FASTKD1: variants seen among roughly 807,000 people sequenced by gnomAD.
The protein encoded by FASTKD1 is FAST kinase domains 1, also known as FAST kinase domain-containing protein 1, mitochondrial.
Under a neutral mutation model 90.9 loss-of-function variants are expected in FASTKD1, and 94 were observed. The observed-to-expected ratio is 1.03, with a 90% CI of 0.88 to 1.23. The LOEUF (loss-of-function observed/expected upper bound fraction) is 1.23. FASTKD1 is among the 50% of genes most tolerant of loss of function. FASTKD1 has a pLI of 0.00. For missense variants in FASTKD1, 945 were observed against 993.5 expected (o/e 0.95, Z 0.66); for synonymous variants, 319 against 345.8 (o/e 0.92, Z 0.86).
At chr2:169,540,791 GATT>G (rs1475246238) in intron 9 of FASTKD1, among the ~76,000 whole-genome samples, 2 of 152,184 alleles carry the variant, frequency 1.3e-5, no homozygotes, top group African/African-American at 2.4e-5. Context: ...CTGGAGCCTG[GATT>G]ATTATACTAT....
chr2:169,565,140 G>T (rs565878804), intron 3 of FASTKD1, among the ~76,000 whole-genome samples: 29 of 148,336 alleles, frequency 2.0e-4, no homozygotes, highest in African/African-American at 7.2e-4. Context: ...TTTTAGTAGA[G>T]ACAGGGTTTC....
rs1299868212 is a variant in FASTKD1 at position 169,537,418 on chromosome 2, CTT to C, written c.2075-80_2075-79del. The C allele has an allele frequency of 3.2e-6, 3 of 933,856 alleles. No homozygotes were observed. The South Asian group carries it at 4.7e-5, about 15-fold the overall frequency. 57.8% of individuals were successfully genotyped at this position (933,856 alleles called of 1,614,324 possible). A position where few individuals can be genotyped will look rare whatever the true frequency, so the allele number is the denominator to read the frequency against. Reference sequence around the variant, plus strand: ...TTTCCTTTGAGACGGAGTTTTCGCTCTTGTTGCCCAGGCTGGAATGCAACGGC... The same window carrying C: ...TTTCCTTTGAGACGGAGTTTTCGCTCGTTGCCCAGGCTGGAATGCAACGGC... On this transcript the variant is annotated intron_variant, in intron 11 of 14. Coordinates refer to ENST00000453153, the MANE Select transcript of FASTKD1 (RefSeq NM_024622.6).
At chr2:169,548,869 C>A (rs915497248) in intron 7 of FASTKD1, among the ~76,000 whole-genome samples, 1 of 151,638 alleles carries the variant, frequency 6.6e-6, no homozygotes, top group African/African-American at 2.4e-5. Context: ...CCAAGGCGGG[C>A]AGATCACGAG....
intron 3 of FASTKD1, among the ~76,000 whole-genome samples, chr2:169,566,599 A>C (rs1252143920): frequency 2.6e-5 from 4 of 152,002 alleles, no homozygotes. Flanking sequence ...GTGGTCCCAG[A>C]AACTTGGGAG....
chr2:169,556,307 G>A (rs1559152023), intron 6 of FASTKD1, among the ~76,000 whole-genome samples: 3 of 151,922 alleles, frequency 2.0e-5, no homozygotes, highest in South Asian at 4.2e-4. Context: ...ATGGCGACAC[G>A]TGCCTGTAGT....
rs1158292826 is a variant in FASTKD1, at chr2:169,547,884, C to CAAAAAAAAAAAA, written c.1215-1192_1215-1181dup. ...TGGGCGACAGAGGAAGACTCCATCT[C>CAAAAAAAAAAAA]AAAAAAAAAAAAAAAAAAAAAAAAA... On this transcript the variant is annotated intron_variant, in intron 7 of 14. Coordinates refer to ENST00000453153, the MANE Select transcript of FASTKD1 (RefSeq NM_024622.6). 2.2e-3 allele frequency among the ~76,000 whole-genome samples: 47 copies of CAAAAAAAAAAAA among 21,342 alleles called. 2 individuals carry two copies. Among genetic ancestry groups the CAAAAAAAAAAAA allele is most frequent in the South Asian group, 3.7e-3 (1 of 272 alleles). The allele number at this position is 21,342 out of a possible 152,430, so 14.0% of individuals were successfully genotyped here.
chr2:169,571,849 C>T lies in FASTKD1; in HGVS notation c.181G>A (p.Ala61Thr). 3.1e-6 allele frequency: 5 copies of T among 1,614,034 alleles called. No homozygotes were observed. The highest frequency in any genetic ancestry group is 1.3e-5 in the African/African-American group (1 of 75,034). ...QMFGFIERNKAILSEKQVGCA... is the reference protein window; with the variant it reads ...QMFGFIERNKTILSEKQVGCA... ...CCCACTTGCTTTTCTGAAAGTATGG[C>T]TTTGTTTCTTTCAATAAAACCAAAC... Residue 61 changes from alanine to threonine, a missense_variant, in exon 2 of 15, where the codon GCC becomes ACC. Physicochemically the swap from Ala to Thr is moderately conservative, Grantham distance 58 (BLOSUM62 0). Transcript: ENST00000453153.
chr2:169,559,035 C>T (rs896172712), intron 5 of FASTKD1, among the ~76,000 whole-genome samples: 6 of 148,990 alleles, frequency 4.0e-5, no homozygotes, highest in Non-Finnish European at 5.9e-5. Flanking sequence ...AGTGTAATGG[C>T]GCGATCTTGG....
At position 169,536,995 on chromosome 2, in the gene FASTKD1, ATTTT is replaced by A. The variant is rs769352998; in HGVS notation, c.2188+228_2188+231del. 24 of 239,914 alleles carry A rather than the reference ATTTT, an allele frequency of 1.0e-4. No individual in the cohort carries two copies. In the East Asian group the frequency reaches 2.0e-3, roughly 20 times the overall value. The allele number at this position is 239,914 out of a possible 1,614,324, so 14.9% of individuals were successfully genotyped here. ...TAGAATTGGTGGAGGACTGACCTTA[ATTTT>A]TTTTTTTTTTTTTCTAAAGAATAGA... On this transcript the variant is annotated intron_variant, in intron 12 of 14. Transcript: ENST00000453153.
chr2:169,534,183 C>CAAAAA (rs71003097), intron 12 of FASTKD1, among the ~76,000 whole-genome samples: 13 of 46,320 alleles, frequency 2.8e-4, no homozygotes, highest in African/African-American at 1.2e-3. Context: ...GACCCTTTCT[C>CAAAAA]AAAAAAAAAA....
At chr2:169,539,125 G>A (rs1000780478) in intron 10 of FASTKD1, among the ~76,000 whole-genome samples, 5 of 151,626 alleles carry the variant, frequency 3.3e-5, no homozygotes, top group South Asian at 2.1e-4. Flanking sequence ...AAAATTAGCC[G>A]GGCATGGTGG....
intron 10 of FASTKD1, among the ~76,000 whole-genome samples, chr2:169,539,233 CTG>C (rs1684861249): frequency 1.3e-5 from 2 of 150,816 alleles, no homozygotes; most frequent in Non-Finnish European, 3.0e-5. Context: ...GATTGAGCCA[CTG>C]CACTCCAGCC....
At chr2:169,551,678 T>A (rs1685496482) in intron 7 of FASTKD1, among the ~76,000 whole-genome samples, 1 of 152,088 alleles carries the variant, frequency 6.6e-6, no homozygotes, top group Admixed American at 6.6e-5. Context: ...GTGCCTGTAG[T>A]CCCAGCTACT....
At chr2:169,558,895 G>GT (rs942918665) in intron 5 of FASTKD1, among the ~76,000 whole-genome samples, 25 of 150,722 alleles carry the variant, frequency 1.7e-4, no homozygotes, top group African/African-American at 5.4e-4. Flanking sequence ...GGCCCCAATA[G>GT]TTTTTTTTAA....
chr2:169,540,171 C>T lies in FASTKD1; in HGVS notation c.1825G>A (p.Asp609Asn). The T allele has an allele frequency of 1.3e-6, 2 of 1,556,396 alleles. No homozygotes were observed. The highest frequency in any genetic ancestry group is 1.8e-6 in the Non-Finnish European group (2 of 1,139,718). The change falls in exon 10 of 15, where the codon GAT (aspartate) becomes AAT (asparagine). Residue 609 changes from aspartate to asparagine, a missense_variant. Transcript: ENST00000453153. ...QHLNSYLGIL[D>N]PFILVFLGFS... ...CCAAGAAACACTAATATAAAAGGAT[C>T]CAATATACCTAAAAGAAAATTAAGA... is the stretch of plus-strand genomic sequence containing the variant.
intron 6 of FASTKD1, 94 bp downstream of exon 6, chr2:169,557,093 T>C: frequency 1.3e-6 from 1 of 777,826 alleles, no homozygotes; most frequent in Non-Finnish European, 2.3e-6. Context: ...TCAAAACAAC[T>C]GGTAGATTAA....
At chr2:169,537,901 G>A in intron 11 of FASTKD1, 112 bp downstream of exon 11, 1 of 838,958 alleles carries the variant, frequency 1.2e-6, no homozygotes, top group Non-Finnish European at 1.9e-6. Context: ...ACAGGTCATG[G>A]CACTCTTGGG....
intron 5 of FASTKD1, among the ~76,000 whole-genome samples, chr2:169,559,738 A>C (rs1158662259): frequency 6.6e-6 from 1 of 152,262 alleles, no homozygotes; most frequent in African/African-American, 2.4e-5. Flanking sequence ...AATATTTCAT[A>C]CAATTATGCT....
chr2:169,538,945 A>G (rs1684849767), intron 10 of FASTKD1, among the ~76,000 whole-genome samples: 1 of 152,150 alleles, frequency 6.6e-6, no homozygotes, highest in African/African-American at 2.4e-5. Context: ...ATAAAAGTGA[A>G]TATATAAATA....
Sources: gnomAD v4.1 joint callset for allele counts (sites outside exome capture counted in the v4.1 genomes callset) on GRCh38, gnomAD v4.1.1 for gene constraint, MANE v1.5 for transcripts, NCBI Gene and HGNC (gene_info 2026-07-23, HGNC 2026-07-21) for gene names.